GRIN2B: variants seen among roughly 807,000 people sequenced by gnomAD.
GRIN2B encodes the protein glutamate receptor ionotropic, NMDA 2B.
A neutral mutation model predicts 114.5 loss-of-function variants in GRIN2B; 5 were observed. The observed-to-expected ratio is 0.04, with a 90% confidence interval of 0.02 to 0.09. The LOEUF (loss-of-function observed/expected upper bound fraction) is 0.09. GRIN2B is among the 10% of genes least tolerant of loss of function. GRIN2B has a pLI of 1.00. For missense variants in GRIN2B, 1,108 were observed against 1,943.5 expected, an observed-to-expected ratio of 0.57 and a Z score of 8.08; for synonymous variants, 787 against 745.1, an observed-to-expected ratio of 1.06 and a Z score of -0.92.
chr12:13,954,315 T>C (rs1367519290), intron 2 of GRIN2B, among the ~76,000 whole-genome samples: 1 of 152,218 alleles, frequency 6.6e-6, no homozygotes, highest in East Asian at 1.9e-4. Flanking sequence ...TTAGAGATAC[T>C]AGAGCCATCT....
At position 13,562,700 on chromosome 12, in the gene GRIN2B, C is replaced by T; in HGVS notation, c.*83G>A. The T allele has an allele frequency of 8.8e-7, 1 of 1,137,274 alleles. No homozygotes were observed. The highest frequency in any genetic ancestry group is 1.2e-5 in the South Asian group (1 of 80,592). The allele number at this position is 1,137,274 out of a possible 1,614,324, so 70.4% of individuals were successfully genotyped here. On this transcript the variant is annotated 3_prime_UTR_variant, in exon 14 of 14. Coordinates refer to ENST00000609686, the MANE Select transcript of GRIN2B (RefSeq NM_000834.5). ...AGGAGCAAATGGGAACCAAGTTCAC[C>T]CCCGTCACCCTCCGTGACATGCGCA...
At chr12:13,900,970 G>A (rs1866439624) in intron 2 of GRIN2B, among the ~76,000 whole-genome samples, 2 of 151,778 alleles carry the variant, frequency 1.3e-5, no homozygotes, top group Non-Finnish European at 1.5e-5. Context: ...TTCCAACTTG[G>A]GGCAATTCTG....
intron 3 of GRIN2B, among the ~76,000 whole-genome samples, chr12:13,799,948 C>T (rs1474136546): frequency 1.3e-5 from 2 of 152,064 alleles, no homozygotes; most frequent in East Asian, 1.9e-4. Flanking sequence ...AGAAACCGCT[C>T]CATAGTACTC....
At chr12:13,980,734 G>A (rs954794253) in intron 1 of GRIN2B, among the ~76,000 whole-genome samples, 2 of 152,198 alleles carry the variant, frequency 1.3e-5, no homozygotes, top group Non-Finnish European at 2.9e-5. Context: ...ACTCGCCAGC[G>A]AGTGCGGCCC....
intron 4 of GRIN2B, among the ~76,000 whole-genome samples, chr12:13,681,754 T>C (rs574544734): frequency 6.6e-6 from 1 of 152,294 alleles, no homozygotes; most frequent in African/African-American, 2.4e-5. Context: ...TACATATAGA[T>C]AGTAAAAAAG....
chr12:13,795,766 G>C (rs1013351202), intron 3 of GRIN2B, among the ~76,000 whole-genome samples: 1 of 152,186 alleles, frequency 6.6e-6, no homozygotes, highest in African/African-American at 2.4e-5. Flanking sequence ...AAAAGGATGA[G>C]TTCACGTCCT....
chr12:13,922,246 A>G (rs1197533010), intron 2 of GRIN2B, among the ~76,000 whole-genome samples: 1 of 152,214 alleles, frequency 6.6e-6, no homozygotes, highest in Non-Finnish European at 1.5e-5. Flanking sequence ...GCTTCAGCAG[A>G]TCATTTGAGA....
At chr12:13,720,049 T>C (rs1950492851) in intron 4 of GRIN2B, among the ~76,000 whole-genome samples, 1 of 151,920 alleles carries the variant, frequency 6.6e-6, no homozygotes, top group Non-Finnish European at 1.5e-5. Flanking sequence ...ACTTACAGTG[T>C]GAGGGGAGCA....
In GRIN2B at chr12:13,544,825, G is replaced by C. The variant is rs1591594523; in HGVS notation, c.*17958C>G. On this transcript the variant is annotated 3_prime_UTR_variant, in exon 14 of 14. Coordinates refer to ENST00000609686, the MANE Select transcript of GRIN2B (RefSeq NM_000834.5). ...CCAAGCAACTATGATCTCTTACCAG[G>C]ATTATTGCAAGAGCTTCCTAACCGG... The C allele has an allele frequency of 6.6e-6, 1 of 152,348 alleles. No individual in the cohort carries two copies. The highest frequency in any genetic ancestry group is 1.9e-4 in the East Asian group (1 of 5,182). 9.4% of individuals were successfully genotyped at this position (152,348 alleles called of 1,614,324 possible).
At position 13,569,790 on chromosome 12, in the gene GRIN2B, AGTAGAGGACAAAT is replaced by A. The variant is rs1163404425; in HGVS notation, c.2359+27_2359+39del. The stretch of plus-strand genomic sequence containing the variant: ...AGGTTGATGTTTTGGACTGGCCATC[AGTAGAGGACAAAT>A]GGGCACTTTCCCTTTCTTGAACTCA... On this transcript the variant is annotated intron_variant, in intron 12 of 13. Transcript: ENST00000609686. 5 of 1,285,956 alleles carry A rather than the reference AGTAGAGGACAAAT, an allele frequency of 3.9e-6. No homozygotes were observed. In the African/African-American group the frequency reaches 7.4e-5, roughly 19 times the overall value. The allele number at this position is 1,285,956 out of a possible 1,614,324, so 79.7% of individuals were successfully genotyped here.
rs1421978473 is a variant in GRIN2B, at chr12:13,560,289, C to T, written c.*2494G>A. On this transcript the variant is annotated 3_prime_UTR_variant, in exon 14 of 14. Coordinates refer to ENST00000609686, the MANE Select transcript of GRIN2B (RefSeq NM_000834.5). ...AATTCCCCCAATGGGAAATGAAAACCCATAACAAAACACTTTTTCCCTCTC... is the reference window on the plus strand; with the variant it reads ...AATTCCCCCAATGGGAAATGAAAACTCATAACAAAACACTTTTTCCCTCTC... 1 of 152,166 alleles carries T rather than the reference C, an allele frequency of 6.6e-6. No individual in the cohort carries two copies. The highest frequency in any genetic ancestry group is 1.9e-4 in the East Asian group (1 of 5,186). 9.4% of individuals were successfully genotyped at this position (152,166 alleles called of 1,614,324 possible).
rs1239704731 is a variant in GRIN2B at position 13,558,954 on chromosome 12, T to C, written c.*3829A>G. 1.3e-5 allele frequency: 2 copies of C among 152,172 alleles called. No individual in the cohort carries two copies. The highest frequency in any genetic ancestry group is 2.9e-5 in the Non-Finnish European group (2 of 68,030). The allele number at this position is 152,172 out of a possible 1,614,324, so 9.4% of individuals were successfully genotyped here. On this transcript the variant is annotated 3_prime_UTR_variant, in exon 14 of 14. Transcript: ENST00000609686. ...CCACACTCACCAACCACTTCTGCAA[T>C]GGAAGGGAATGATAGAGGGTACAAA...
chr12:13,966,879 G>C (rs747499659), intron 2 of GRIN2B, among the ~76,000 whole-genome samples: 1 of 152,160 alleles, frequency 6.6e-6, no homozygotes, highest in Non-Finnish European at 1.5e-5. Context: ...GAGAAATAAA[G>C]ACATTTTCCC....
chr12:13,817,157 T>C (rs985013353), intron 3 of GRIN2B, among the ~76,000 whole-genome samples: 6 of 152,192 alleles, frequency 3.9e-5, no homozygotes, highest in African/African-American at 1.4e-4. Context: ...GGAAATGGTT[T>C]TCTAGAATCA....
intron 4 of GRIN2B, among the ~76,000 whole-genome samples, chr12:13,690,285 C>CCA (rs72073823): frequency 0.13 from 18,109 of 144,592 alleles, 1,359 homozygotes; most frequent in East Asian, 0.38. Flanking sequence ...CTATGTCACA[C>CCA]CACACACACA....
rs959846132 is a variant in GRIN2B, at chr12:13,540,201, C to T, written c.*22582G>A. The T allele has an allele frequency of 1.8e-4, 27 of 152,034 alleles. No homozygotes were observed. The highest frequency in any genetic ancestry group is 6.5e-4 in the African/African-American group (27 of 41,398). 9.4% of individuals were successfully genotyped at this position (152,034 alleles called of 1,614,324 possible). A position where few individuals can be genotyped will look rare whatever the true frequency, so the allele number is the denominator to read the frequency against. ...CTTTTTGGAATCACAGTAAAGAAAGCACAAAGACCAAGAAAAAAACTCTGA... is the reference window on the plus strand; with the variant it reads ...CTTTTTGGAATCACAGTAAAGAAAGTACAAAGACCAAGAAAAAAACTCTGA... On this transcript the variant is annotated 3_prime_UTR_variant, in exon 14 of 14. Transcript: ENST00000609686.
intron 5 of GRIN2B, among the ~76,000 whole-genome samples, chr12:13,631,351 G>A (rs1473732458): frequency 6.6e-6 from 1 of 152,106 alleles, no homozygotes; most frequent in East Asian, 1.9e-4. Flanking sequence ...ACATAAACTT[G>A]CAGAGACTGA....
intron 3 of GRIN2B, among the ~76,000 whole-genome samples, chr12:13,757,245 T>A (rs1863592106): frequency 1.3e-5 from 2 of 152,320 alleles, no homozygotes; most frequent in South Asian, 4.1e-4. Context: ...CCTGGTATAA[T>A]GAGTAGTCCA....
intron 3 of GRIN2B, among the ~76,000 whole-genome samples, chr12:13,841,255 C>G (rs146720995): frequency 6.6e-6 from 1 of 152,106 alleles, no homozygotes; most frequent in Non-Finnish European, 1.5e-5. Flanking sequence ...CTAGCCATGC[C>G]GGAGCCTAAA....
Sources: gnomAD v4.1 joint callset for allele counts (sites outside exome capture counted in the v4.1 genomes callset) on GRCh38, gnomAD v4.1.1 for gene constraint, MANE v1.5 for transcripts, NCBI Gene and HGNC (gene_info 2026-07-23, HGNC 2026-07-21) for gene names.